Variants in LIMCH1 observed in about 807,000 individuals in gnomAD.
The protein encoded by LIMCH1 is LIM and calponin homology domains 1.
A neutral mutation model predicts 176.5 loss-of-function variants in LIMCH1; 113 were observed. That is an observed-to-expected ratio of 0.64 (90% CI 0.55 to 0.75). The LOEUF (loss-of-function observed/expected upper bound fraction) is 0.75, where lower values mean the gene tolerates loss of function less well. Among genes scored for constraint, LIMCH1 ranks in the 30% least tolerant of loss-of-function variants. The pLI, the probability that LIMCH1 is intolerant of heterozygous loss-of-function variation, is 0.00. For synonymous variants in LIMCH1, 619 were observed against 645.9 expected (o/e 0.96, Z 0.63); for missense variants, 1,674 against 1,814.9 (o/e 0.92, Z 1.41).
intron 2 of LIMCH1, among the ~76,000 whole-genome samples, chr4:41,512,396 C>T (rs937160029): frequency 6.6e-6 from 1 of 152,154 alleles, no homozygotes; most frequent in African/African-American, 2.4e-5. Flanking sequence ...CTGTTATACT[C>T]CTAAGTACAT....
At chr4:41,362,835 A>G (rs557405232) in intron 1 of LIMCH1, among the ~76,000 whole-genome samples, 1 of 152,306 alleles carries the variant, frequency 6.6e-6, no homozygotes, top group African/African-American at 2.4e-5. Flanking sequence ...TATCACGTTT[A>G]AGAAAAGGAA....
In LIMCH1 at chr4:41,676,477, G is replaced by T. The variant is rs528238430; in HGVS notation, c.3519+15G>T. ...GTTTGCTCCAGGTAGGATGGAGTTT[G>T]CTGCTTTTTTTGTTTTTCCTTTTTT... On this transcript the variant is annotated intron_variant, in intron 23 of 31. Coordinates refer to ENST00000503057, the MANE Select transcript of LIMCH1 (RefSeq NM_001330672.2). 1 of 1,606,666 alleles carries T rather than the reference G, an allele frequency of 6.2e-7. No homozygotes were observed. Among genetic ancestry groups the T allele is most frequent in the Non-Finnish European group, 8.5e-7 (1 of 1,173,488 alleles).
At chr4:41,417,370 A>G (rs1429361069) in intron 1 of LIMCH1, among the ~76,000 whole-genome samples, 1 of 152,190 alleles carries the variant, frequency 6.6e-6, no homozygotes, top group African/African-American at 2.4e-5. Context: ...GATGAAGTAG[A>G]AACTGTGTGA....
At chr4:41,364,136 AAG>A (rs1275382634) in intron 1 of LIMCH1, among the ~76,000 whole-genome samples, 9 of 152,178 alleles carry the variant, frequency 5.9e-5, no homozygotes, top group African/African-American at 4.8e-5. Context: ...AAAAATGACT[AAG>A]AGTTATTATT....
chr4:41,687,461 G>C (rs529822360), intron 28 of LIMCH1, among the ~76,000 whole-genome samples: 2 of 152,034 alleles, frequency 1.3e-5, no homozygotes, highest in African/African-American at 4.8e-5. Context: ...CTTCCACGGA[G>C]TCCATCGTTT....
intron 1 of LIMCH1, among the ~76,000 whole-genome samples, chr4:41,588,828 G>T (rs1015799302): frequency 6.6e-6 from 1 of 152,162 alleles, no homozygotes; most frequent in African/African-American, 2.4e-5. Flanking sequence ...GCTGAGGAGA[G>T]ATGTCCCATT....
rs149803642 is a variant in LIMCH1, at chr4:41,546,438, C to T, written c.-241+8088C>T. Among the ~76,000 whole-genome samples the T allele has an allele frequency of 3.1e-3, 464 of 151,450 alleles. 4 individuals are homozygous for T. The highest frequency in any genetic ancestry group is 0.011 in the African/African-American group (431 of 40,912). Reference sequence around the variant, plus strand: ...ATAGGCATGAGCCACCATGCCCAGCCTGTATTTTTTTTTTTTAATAAAAAT... The same window carrying T: ...ATAGGCATGAGCCACCATGCCCAGCTTGTATTTTTTTTTTTTAATAAAAAT... On this transcript the variant is annotated intron_variant, in intron 1 of 31. Coordinates refer to ENST00000503057, the MANE Select transcript of LIMCH1 (RefSeq NM_001330672.2).
intron 1 of LIMCH1, among the ~76,000 whole-genome samples, chr4:41,418,496 G>A (rs889860552): frequency 1.3e-5 from 2 of 152,186 alleles, no homozygotes; most frequent in Non-Finnish European, 2.9e-5. Flanking sequence ...ATGTGCCAGT[G>A]AAGTCACCAG....
intron 1 of LIMCH1, among the ~76,000 whole-genome samples, chr4:41,422,859 G>A (rs555272281): frequency 6.6e-6 from 1 of 152,296 alleles, no homozygotes; most frequent in South Asian, 2.1e-4. Context: ...CTGGACTCAA[G>A]TAATCCTCCT....
chr4:41,656,951 G>A (rs1008492585), intron 18 of LIMCH1, among the ~76,000 whole-genome samples: 6 of 152,086 alleles, frequency 3.9e-5, no homozygotes, highest in African/African-American at 1.2e-4. Flanking sequence ...TTCCAATGTC[G>A]TTCTCTGGGC....
chr4:41,604,419 G>C (rs926856078), intron 3 of LIMCH1: 1 of 157,996 alleles, frequency 6.3e-6, no homozygotes, highest in African/African-American at 2.4e-5. Flanking sequence ...AAGTATGTTA[G>C]TGCTGTTTTA....
At chr4:41,537,260 A>G (rs1014309400), upstream of LIMCH1, among the ~76,000 whole-genome samples, 1 of 152,258 alleles carries the variant, frequency 6.6e-6, no homozygotes, top group African/African-American at 2.4e-5. Flanking sequence ...ATTGTGTTTT[A>G]TAGCATTTGA....
At chr4:41,626,024 AAAG>A (rs1486586641) in intron 7 of LIMCH1, among the ~76,000 whole-genome samples, 1 of 152,170 alleles carries the variant, frequency 6.6e-6, no homozygotes, top group Non-Finnish European at 1.5e-5. Context: ...CTCTTAAAAA[AAAG>A]AAAAAGAAGA....
chr4:41,486,022 TTAAG>T (rs1440564194), intron 1 of LIMCH1, among the ~76,000 whole-genome samples: 1 of 152,186 alleles, frequency 6.6e-6, no homozygotes, highest in African/African-American at 2.4e-5. Context: ...AGCATAACTC[TTAAG>T]ATTTTGGCTA....
At position 41,626,946 on chromosome 4, in the gene LIMCH1, A is replaced by G. The variant is rs977776100; in HGVS notation, c.964A>G (p.Lys322Glu). 3.8e-5 allele frequency: 58 copies of G among 1,536,092 alleles called. No individual in the cohort carries two copies. The Middle Eastern group carries it at 5.0e-4, about 13-fold the overall frequency. ...YGPYPKKGAEKSDGSKQLSKG... is the reference protein window; with the variant it reads ...YGPYPKKGAEESDGSKQLSKG... ...CCCTTATCCAAAGAAAGGGGCAGAG[A>G]AATCAGATGGCAGCAAACAGCTCTC... is the stretch of plus-strand genomic sequence containing the variant. The change falls in exon 8 of 32, where the codon AAA becomes GAA. Residue 322 changes from lysine to glutamate, a missense_variant. Lys to Glu is a moderately conservative substitution (Grantham distance 56, BLOSUM62 1). This residue lies in a region of LIMCH1 where 655 missense variants were observed against 692.2 expected (regional missense o/e 0.95). Coordinates refer to ENST00000503057, the MANE Select transcript of LIMCH1 (RefSeq NM_001330672.2).
intron 1 of LIMCH1, among the ~76,000 whole-genome samples, chr4:41,368,627 C>G (rs2053480749): frequency 6.6e-6 from 1 of 152,156 alleles, no homozygotes. Flanking sequence ...GGATGCTACA[C>G]ATACTTTTAT....
chr4:41,697,288 C>A lies in LIMCH1; in HGVS notation c.*103C>A. 1 of 1,027,054 alleles carries A rather than the reference C, an allele frequency of 9.7e-7. No homozygotes were observed. The highest frequency in any genetic ancestry group is 1.5e-6 in the Non-Finnish European group (1 of 660,384). The allele number at this position is 1,027,054 out of a possible 1,614,324, so 63.6% of individuals were successfully genotyped here. A position where few individuals can be genotyped will look rare whatever the true frequency, so the allele number is the denominator to read the frequency against. ...AGCTCAGGGGCTTCTCAGCATTTACCTAATTTCTGAAAGGCTCTTCTGAAA... is the reference window on the plus strand; with the variant it reads ...AGCTCAGGGGCTTCTCAGCATTTACATAATTTCTGAAAGGCTCTTCTGAAA... On this transcript the variant is annotated 3_prime_UTR_variant, in exon 32 of 32. Transcript: ENST00000503057.
intron 1 of LIMCH1, among the ~76,000 whole-genome samples, chr4:41,539,524 C>T (rs1290124944): frequency 2.6e-5 from 4 of 152,134 alleles, no homozygotes; most frequent in Non-Finnish European, 5.9e-5. Context: ...GAAGACCTTC[C>T]CAAGGGAAGA....
intron 2 of LIMCH1, among the ~76,000 whole-genome samples, chr4:41,520,577 G>C (rs1450339811): frequency 6.6e-6 from 1 of 152,108 alleles, no homozygotes; most frequent in East Asian, 1.9e-4. Flanking sequence ...CAAAGAACAA[G>C]AACTTTGCTT....
Sources: allele counts gnomAD v4.1 joint callset (sites outside exome capture counted in the v4.1 genomes callset), GRCh38; gene constraint gnomAD v4.1.1; regional missense constraint gnomAD v4.1.1; transcripts MANE v1.5; gene names NCBI Gene and HGNC (gene_info 2026-07-23, HGNC 2026-07-21).